TLN2: variants seen among roughly 807,000 people sequenced by gnomAD.
TLN2 encodes the protein talin-2.
Under a neutral mutation model 294.7 loss-of-function variants are expected in TLN2, and 118 were observed. The ratio of observed to expected loss-of-function variants is 0.40; its 90% CI spans 0.34 to 0.47. The LOEUF (loss-of-function observed/expected upper bound fraction) is 0.47, where lower values mean the gene tolerates loss of function less well. TLN2 is among the 20% of genes least tolerant of loss of function. TLN2 has a pLI of 0.84. For synonymous variants in TLN2, 1,431 were observed against 1,304.5 expected (o/e 1.10, Z -2.09); for missense variants, 3,083 against 3,282.2 (o/e 0.94, Z 1.48).
chr15:62,521,062 C>T (rs2040433384), intron 1 of TLN2, among the ~76,000 whole-genome samples: 1 of 152,166 alleles, frequency 6.6e-6, no homozygotes, highest in African/African-American at 2.4e-5. Flanking sequence ...AGTGTCATTC[C>T]TTTGTCCCTC....
At position 62,477,209 on chromosome 15, in the gene TLN2, A is replaced by G. The variant is rs151280596; in HGVS notation, c.-238+86524A>G. Reference sequence around the variant, plus strand: ...TCTAAAGCATCCTGGGCATCTTGTTAAAACACAGATCCTAACTCAGTAGGT... The same window carrying G: ...TCTAAAGCATCCTGGGCATCTTGTTGAAACACAGATCCTAACTCAGTAGGT... On this transcript the variant is annotated intron_variant, in intron 1 of 58. Coordinates refer to ENST00000636159, the MANE Select transcript of TLN2 (RefSeq NM_015059.3). Among the ~76,000 whole-genome samples, 51 of 152,326 alleles carry G rather than the reference A, an allele frequency of 3.3e-4. No individual in the cohort carries two copies. The East Asian group carries it at 7.5e-3, about 22-fold the overall frequency.
At chr15:62,738,682 G>A (rs1421161721) in intron 30 of TLN2, among the ~76,000 whole-genome samples, 3 of 152,284 alleles carry the variant, frequency 2.0e-5, no homozygotes, top group Middle Eastern at 3.4e-3. Flanking sequence ...GTGAGAGAGC[G>A]AGTAGTCTGA....
intron 1 of TLN2, among the ~76,000 whole-genome samples, chr15:62,417,587 G>A (rs1408870965): frequency 6.6e-6 from 1 of 152,226 alleles, no homozygotes; most frequent in Non-Finnish European, 1.5e-5. Context: ...CCCTGCCTGA[G>A]TCAGCCGTCC....
intron 3 of TLN2, among the ~76,000 whole-genome samples, chr15:62,627,889 GT>G (rs1365283931): frequency 6.6e-6 from 1 of 151,930 alleles, no homozygotes; most frequent in East Asian, 1.9e-4. Flanking sequence ...CTCATGTTCT[GT>G]TTCCTTTGCC....
intron 2 of TLN2, among the ~76,000 whole-genome samples, chr15:62,593,325 T>A (rs928403767): frequency 2.6e-5 from 4 of 152,224 alleles, no homozygotes; most frequent in Admixed American, 2.0e-4. Flanking sequence ...TTCTTAGCAC[T>A]GTCAATCAAG....
intron 1 of TLN2, among the ~76,000 whole-genome samples, chr15:62,571,660 G>C (rs888791210): frequency 2.0e-5 from 3 of 152,108 alleles, no homozygotes; most frequent in Non-Finnish European, 2.9e-5. Context: ...AGGCTCCCAT[G>C]TACCAGCTTA....
At position 62,839,180 on chromosome 15, in the gene TLN2, C is replaced by T. The variant is rs552495393; in HGVS notation, c.7500+199C>T. Reference sequence around the variant, plus strand: ...ATCCCTGAGATGTTACCCTTGGCCACGTGGTCCACGTTGGTTCAGTAGCCC... The same window carrying T: ...ATCCCTGAGATGTTACCCTTGGCCATGTGGTCCACGTTGGTTCAGTAGCCC... On this transcript the variant is annotated intron_variant, in intron 58 of 58. Transcript: ENST00000636159. 1.3e-3 allele frequency among the ~76,000 whole-genome samples: 194 copies of T among 152,268 alleles called. 7 individuals carry two copies. In the South Asian group the frequency reaches 0.039, roughly 31 times the overall value.
At chr15:62,691,729 T>C (rs1567367189) in intron 12 of TLN2, among the ~76,000 whole-genome samples, 1 of 152,136 alleles carries the variant, frequency 6.6e-6, no homozygotes, top group Non-Finnish European at 1.5e-5. Flanking sequence ...TTGCCCAAGC[T>C]GGAGTGTAGT....
intron 1 of TLN2, among the ~76,000 whole-genome samples, chr15:62,492,561 GAAAA>G (rs922229986): frequency 1.1e-3 from 143 of 134,478 alleles, no homozygotes; most frequent in Non-Finnish European, 1.8e-3. Context: ...AAAAAAAAAA[GAAAA>G]AAAGAAAAAA....
chr15:62,497,869 G>T (rs940631554), intron 1 of TLN2, among the ~76,000 whole-genome samples: 15 of 152,076 alleles, frequency 9.9e-5, no homozygotes, highest in Admixed American at 3.3e-4. Flanking sequence ...TGGCTTCCCC[G>T]TGCTGCTGAC....
At chr15:62,721,917 G>A (rs529055510) in intron 25 of TLN2, among the ~76,000 whole-genome samples, 1 of 152,150 alleles carries the variant, frequency 6.6e-6, no homozygotes, top group Non-Finnish European at 1.5e-5. Context: ...CTTCACTGGC[G>A]AAGTTATTTT....
chr15:62,615,282 T>G lies in TLN2; in HGVS notation c.-161-3069T>G, dbSNP rs538447924. ...ATGCACACAAAGCATTGTATTGAGT[T>G]TTCATAGGAACAGCAACTCTTTCTT... On this transcript the variant is annotated intron_variant, in intron 2 of 58. Coordinates refer to ENST00000636159, the MANE Select transcript of TLN2 (RefSeq NM_015059.3). 3.2e-3 allele frequency among the ~76,000 whole-genome samples: 488 copies of G among 152,366 alleles called. 2 individuals are homozygous for G. Among genetic ancestry groups the G allele is most frequent in the Non-Finnish European group, 5.9e-3 (401 of 68,036 alleles).
At chr15:62,680,530 G>A (rs2056724723) in intron 11 of TLN2, among the ~76,000 whole-genome samples, 1 of 150,132 alleles carries the variant, frequency 6.7e-6, no homozygotes, top group Admixed American at 6.6e-5. Flanking sequence ...ATGATAAAAA[G>A]AGATCACATG....
intron 25 of TLN2, among the ~76,000 whole-genome samples, chr15:62,721,999 T>G (rs943818890): frequency 2.6e-5 from 4 of 152,180 alleles, no homozygotes; most frequent in African/African-American, 9.7e-5. Context: ...GTCTTTTGAG[T>G]GTACGTGAGA....
chr15:62,421,191 G>A (rs1487692292), intron 1 of TLN2, among the ~76,000 whole-genome samples: 2 of 152,108 alleles, frequency 1.3e-5, no homozygotes, highest in African/African-American at 2.4e-5. Flanking sequence ...ACGAGAAATA[G>A]CATTCCGACC....
chr15:62,422,871 C>T (rs1345810250), intron 1 of TLN2, among the ~76,000 whole-genome samples: 1 of 152,210 alleles, frequency 6.6e-6, no homozygotes, highest in Non-Finnish European at 1.5e-5. Flanking sequence ...GGACCCCTCT[C>T]CTGGAGATGC....
chr15:62,831,392 A>C (rs1195835050), intron 54 of TLN2: 1 of 152,058 alleles, frequency 6.6e-6, no homozygotes, highest in Non-Finnish European at 1.5e-5. Context: ...CTGGTGCTTT[A>C]ATCTGTTATG....
intron 3 of TLN2, among the ~76,000 whole-genome samples, chr15:62,640,752 T>A (rs1233047889): frequency 6.6e-6 from 1 of 152,184 alleles, no homozygotes; most frequent in Non-Finnish European, 1.5e-5. Context: ...GCATGTTGTG[T>A]GACTGCGATA....
intron 18 of TLN2, 35 bp downstream of exon 18, chr15:62,702,235 G>C (rs1348269302): frequency 1.3e-6 from 2 of 1,542,638 alleles, no homozygotes; most frequent in African/African-American, 1.4e-5. Context: ...CTCAGGTTCT[G>C]ATGGGACAGC....
Sources: allele counts gnomAD v4.1 joint callset (sites outside exome capture counted in the v4.1 genomes callset), GRCh38; gene constraint gnomAD v4.1.1; transcripts MANE v1.5; gene names NCBI Gene and HGNC (gene_info 2026-07-23, HGNC 2026-07-21).